The following OSBPL11 variants were observed in gnomAD, a reference collection of about 807,000 sequenced individuals.
OSBPL11 encodes oxysterol-binding protein-related protein 11.
Under a neutral mutation model 84.4 loss-of-function variants are expected in OSBPL11, and 33 were observed. The ratio of observed to expected loss-of-function variants is 0.39; its 90% CI spans 0.30 to 0.52. OSBPL11 has a LOEUF of 0.52. Among genes scored for constraint, OSBPL11 ranks in the 20% least tolerant of loss-of-function variants. The probability of loss-of-function intolerance (pLI) is 0.72; values close to 1 mark genes in which losing one functional copy is unlikely to be tolerated. For missense variants in OSBPL11, 736 were observed against 901.1 expected, an observed-to-expected ratio of 0.82 and a Z score of 2.35; for synonymous variants, 276 against 310.2, an observed-to-expected ratio of 0.89 and a Z score of 1.16.
chr3:125,586,944 C>G (rs1389290300), intron 1 of OSBPL11, among the ~76,000 whole-genome samples: 1 of 152,182 alleles, frequency 6.6e-6, no homozygotes, highest in African/African-American at 2.4e-5. Flanking sequence ...TAAAGCACAG[C>G]ACTCTGAAAA....
intron 12 of OSBPL11, among the ~76,000 whole-genome samples, chr3:125,531,593 C>G (rs1033363754): frequency 6.6e-6 from 1 of 151,992 alleles, no homozygotes; most frequent in South Asian, 2.1e-4. Context: ...GCCCGGCCAC[C>G]CCCTAGCTCA....
chr3:125,552,719 T>A (rs769635637), intron 8 of OSBPL11, 40 bp from the exon 9 acceptor site: 2 of 1,578,980 alleles, frequency 1.3e-6, no homozygotes, highest in East Asian at 4.5e-5. Context: ...ATTTAATCCA[T>A]GTGTAGCATA....
chr3:125,546,173 GT>G (rs1178224794), intron 10 of OSBPL11, among the ~76,000 whole-genome samples: 75 of 138,020 alleles, frequency 5.4e-4, no homozygotes, highest in African/African-American at 2.0e-3. Flanking sequence ...TTTTGTGTGT[GT>G]GTGTTTTTTT....
chr3:125,551,906 A>C (rs1935914532), intron 9 of OSBPL11, among the ~76,000 whole-genome samples: 1 of 152,290 alleles, frequency 6.6e-6, no homozygotes, highest in East Asian at 1.9e-4. Context: ...GGAACACTCT[A>C]GAAATTGGAG....
At chr3:125,566,654 T>C (rs1936160211) in intron 6 of OSBPL11, among the ~76,000 whole-genome samples, 1 of 152,214 alleles carries the variant, frequency 6.6e-6, no homozygotes, top group African/African-American at 2.4e-5. Context: ...TTATTGCTCA[T>C]ACAATGTGAT....
chr3:125,552,064 C>T (rs924622916), intron 9 of OSBPL11, 117 bp downstream of exon 9: 14 of 563,068 alleles, frequency 2.5e-5, no homozygotes, highest in African/African-American at 1.1e-4. Flanking sequence ...ACTTTCCTTT[C>T]TTTCCTGTTC....
At chr3:125,553,982 T>G (rs1559839592) in intron 8 of OSBPL11, among the ~76,000 whole-genome samples, 2 of 152,298 alleles carry the variant, frequency 1.3e-5, no homozygotes, top group East Asian at 3.9e-4. Flanking sequence ...GGCAGTAGGT[T>G]ACAATATGCA....
intron 5 of OSBPL11, among the ~76,000 whole-genome samples, chr3:125,575,520 C>T (rs1405326497): frequency 6.6e-6 from 1 of 150,750 alleles, no homozygotes; most frequent in Non-Finnish European, 1.5e-5. Context: ...GACACCGCGA[C>T]CTACCACTGT....
At position 125,538,519 on chromosome 3, in the gene OSBPL11, G is replaced by A. The variant is rs751807424; in HGVS notation, c.1956C>T (p.Asp652=). Reference sequence around the variant, plus strand: ...TCTTCGTCACTGCCAATTTAGTCAAGTCCACATACTTTGTCTCTCCATTGC... The same window carrying A: ...TCTTCGTCACTGCCAATTTAGTCAAATCCACATACTTTGTCTCTCCATTGC... ...TYSNGETKYV[D]LTKLAVTKKR... Residue 652 remains aspartate (D), a synonymous_variant, in exon 11 of 13, where the codon GAC becomes GAT. Transcript: ENST00000296220. 11 of 1,614,026 alleles carry A rather than the reference G, an allele frequency of 6.8e-6. No homozygotes were observed. Among genetic ancestry groups the A allele is most frequent in the Non-Finnish European group, 9.3e-6 (11 of 1,180,020 alleles).
intron 10 of OSBPL11, among the ~76,000 whole-genome samples, chr3:125,545,739 A>G (rs570432778): frequency 3.9e-4 from 59 of 152,118 alleles, no homozygotes; most frequent in Non-Finnish European, 5.6e-4. Flanking sequence ...CAGAAGGTGG[A>G]CATGAGAATG....
chr3:125,592,096 T>C (rs1163838776), intron 1 of OSBPL11, among the ~76,000 whole-genome samples: 1 of 152,244 alleles, frequency 6.6e-6, no homozygotes. Flanking sequence ...GGTCTTGCTC[T>C]GTCACCCAGG....
At chr3:125,559,234 A>C (rs79868959) in intron 8 of OSBPL11, among the ~76,000 whole-genome samples, 9,606 of 152,276 alleles carry the variant, frequency 0.063, 395 homozygotes, top group African/African-American at 0.12. Context: ...GTGGGAAGTA[A>C]GTGGAAGTGT....
chr3:125,547,340 T>C (rs1935835043), intron 10 of OSBPL11, 66 bp downstream of exon 10: 15 of 1,336,444 alleles, frequency 1.1e-5, no homozygotes, highest in Non-Finnish European at 1.5e-5. Flanking sequence ...AGAAAAAGAA[T>C]AAGGAGTTGT....
At chr3:125,581,122 G>A (rs1034877518) in intron 2 of OSBPL11, among the ~76,000 whole-genome samples, 11 of 148,756 alleles carry the variant, frequency 7.4e-5, no homozygotes, top group African/African-American at 1.7e-4. Context: ...AGATGGAGTC[G>A]TGCTCTGTTG....
At chr3:125,539,454 A>G (rs558518654) in intron 10 of OSBPL11, among the ~76,000 whole-genome samples, 2 of 151,076 alleles carry the variant, frequency 1.3e-5, no homozygotes, top group Non-Finnish European at 3.0e-5. Context: ...TATTATTGTT[A>G]TTTTTGAGAC....
intron 12 of OSBPL11, among the ~76,000 whole-genome samples, chr3:125,531,126 C>A (rs188620125): frequency 6.0e-4 from 91 of 151,356 alleles, no homozygotes; most frequent in East Asian, 2.3e-3. Context: ...GGATTACAGG[C>A]ACGTGCCATA....
intron 9 of OSBPL11, among the ~76,000 whole-genome samples, chr3:125,550,177 C>A (rs1935878953): frequency 6.6e-6 from 1 of 151,624 alleles, no homozygotes; most frequent in Admixed American, 6.6e-5. Flanking sequence ...AGTTTGAGAC[C>A]AGCTTGGGCA....
intron 10 of OSBPL11, among the ~76,000 whole-genome samples, chr3:125,543,886 T>C (rs1935771998): frequency 1.3e-5 from 2 of 151,906 alleles, no homozygotes; most frequent in Non-Finnish European, 2.9e-5. Flanking sequence ...GGCGACAGAG[T>C]GAGACTCCAT....
At chr3:125,537,682 T>G (rs536677062) in intron 11 of OSBPL11, among the ~76,000 whole-genome samples, 1 of 152,302 alleles carries the variant, frequency 6.6e-6, no homozygotes, top group Admixed American at 6.5e-5. Flanking sequence ...ATATTTTTTT[T>G]CTATTTTTAA....
Sources: gnomAD v4.1 joint callset for allele counts (sites outside exome capture counted in the v4.1 genomes callset) on GRCh38, gnomAD v4.1.1 for gene constraint, MANE v1.5 for transcripts, NCBI Gene and HGNC (gene_info 2026-07-23, HGNC 2026-07-21) for gene names.